Variants in FMN1 observed in about 807,000 individuals in gnomAD.
FMN1 encodes formin-1.
In FMN1, 110 loss-of-function variants were observed where a neutral mutation model predicts 132.4. That is an observed-to-expected ratio of 0.83 (90% confidence interval 0.71 to 0.97). The LOEUF (loss-of-function observed/expected upper bound fraction) is 0.97, where lower values mean the gene tolerates loss of function less well. Ranked by LOEUF, FMN1 falls within the 50% of genes least tolerant of loss-of-function variation. The pLI, the probability that FMN1 is intolerant of heterozygous loss-of-function variation, is 0.00. For missense variants in FMN1, 1,792 were observed against 1,705.3 expected (o/e 1.05, Z -0.90); for synonymous variants, 722 against 651.7 (o/e 1.11, Z -1.64).
intron 15 of FMN1, among the ~76,000 whole-genome samples, chr15:32,892,305 T>G (rs1369014883): frequency 6.6e-6 from 1 of 152,252 alleles, no homozygotes; most frequent in Non-Finnish European, 1.5e-5. Flanking sequence ...CTGCATCTAT[T>G]GATATGATCA....
At chr15:33,119,526 CCAGA>C (rs1303952957) in intron 4 of FMN1, among the ~76,000 whole-genome samples, 1 of 152,150 alleles carries the variant, frequency 6.6e-6, no homozygotes, top group Non-Finnish European at 1.5e-5. Context: ...GCTCAGTGGG[CCAGA>C]CAGGTTTCGC....
chr15:33,131,165 T>C (rs574516964), intron 4 of FMN1, among the ~76,000 whole-genome samples: 2 of 151,762 alleles, frequency 1.3e-5, no homozygotes, highest in African/African-American at 4.8e-5. Flanking sequence ...TTACAAAAAA[T>C]ACAAATACAA....
intron 4 of FMN1, among the ~76,000 whole-genome samples, chr15:33,147,810 T>C (rs1232133373): frequency 6.6e-6 from 1 of 152,258 alleles, no homozygotes; most frequent in Non-Finnish European, 1.5e-5. Context: ...CAATGAGCTA[T>C]TCTTATTTGA....
intron 16 of FMN1, among the ~76,000 whole-genome samples, chr15:32,882,326 C>T (rs947308890): frequency 2.6e-5 from 4 of 152,166 alleles, no homozygotes; most frequent in Non-Finnish European, 5.9e-5. Context: ...AAGTAACTTC[C>T]ACTTCCTTAC....
At chr15:32,868,282 TCAG>T (rs1401935270) in intron 16 of FMN1, among the ~76,000 whole-genome samples, 4 of 152,340 alleles carry the variant, frequency 2.6e-5, no homozygotes, top group Admixed American at 6.5e-5. Context: ...CCTACAGTAT[TCAG>T]CAGAATACTG....
In FMN1 at chr15:32,969,109, CTGA is replaced by C; in HGVS notation, c.2589_2591del (p.Asn863_Gln864delinsLys). 1 of 1,612,692 alleles carries C rather than the reference CTGA, an allele frequency of 6.2e-7. No homozygotes were observed. Among genetic ancestry groups the C allele is most frequent in the Non-Finnish European group, 8.5e-7 (1 of 1,179,036 alleles). ...CGGGAGGCGGAGGCAATGCCTTCTG[CTGA>C]TTTGATGCCATGCCCTCCATTGGCT... On this transcript the variant is annotated inframe_deletion, in exon 8 of 21. Transcript: ENST00000616417.
At chr15:33,020,223 TG>T (rs1247885560) in intron 6 of FMN1, among the ~76,000 whole-genome samples, 1 of 152,204 alleles carries the variant, frequency 6.6e-6, no homozygotes, top group African/African-American at 2.4e-5. Context: ...CCTCAACTTG[TG>T]GTATCAAATA....
rs190265207 is a variant in FMN1 at position 33,131,771 on chromosome 15, A to G, written c.1867+21277T>C. On this transcript the variant is annotated intron_variant, in intron 4 of 20. Transcript: ENST00000616417. ...AAAAGTGCAGTACAAAGGTGTAGTC[A>G]ACACTTACTAGGTAAGTGGCCTCTG... Among the ~76,000 whole-genome samples, 491 of 152,298 alleles carry G rather than the reference A, an allele frequency of 3.2e-3. 3 individuals are homozygous for G. Among genetic ancestry groups the G allele is most frequent in the Non-Finnish European group, 4.8e-3 (325 of 68,028 alleles).
intron 9 of FMN1, among the ~76,000 whole-genome samples, chr15:32,930,663 CAGA>C (rs2061090739): frequency 6.6e-6 from 1 of 151,854 alleles, no homozygotes; most frequent in South Asian, 2.1e-4. Context: ...CTTTGCTGAG[CAGA>C]AGCTTTTTCA....
chr15:33,148,129 T>C (rs1409414989), intron 4 of FMN1, among the ~76,000 whole-genome samples: 1 of 152,200 alleles, frequency 6.6e-6, no homozygotes, highest in East Asian at 1.9e-4. Context: ...CACTGTTCTA[T>C]AACAAAACAT....
intron 6 of FMN1, among the ~76,000 whole-genome samples, chr15:33,053,970 C>T (rs2037099965): frequency 6.6e-6 from 1 of 152,020 alleles, no homozygotes; most frequent in East Asian, 1.9e-4. Flanking sequence ...GTAAGTAAAT[C>T]ACTGGACACT....
chr15:32,983,143 T>A (rs775009516), intron 7 of FMN1, among the ~76,000 whole-genome samples: 29 of 152,064 alleles, frequency 1.9e-4, no homozygotes, highest in Admixed American at 5.2e-4. Flanking sequence ...AAAATAAAAC[T>A]GCGGAAAGTG....
intron 11 of FMN1, 112 bp downstream of exon 11, chr15:32,910,360 ATC>A (rs1303628284): frequency 1.2e-6 from 1 of 808,486 alleles, no homozygotes; most frequent in African/African-American, 1.7e-5. Context: ...CTATGCCTTA[ATC>A]TCTTCCAGGC....
intron 4 of FMN1, chr15:33,105,817 A>C (rs1250765931): frequency 6.6e-6 from 1 of 152,104 alleles, no homozygotes; most frequent in African/African-American, 2.4e-5. Context: ...CAAGAAAAAA[A>C]AAACTTCTCA....
intron 4 of FMN1, among the ~76,000 whole-genome samples, chr15:33,102,172 C>T (rs1278308792): frequency 2.6e-5 from 4 of 152,110 alleles, no homozygotes; most frequent in African/African-American, 4.8e-5. Context: ...TACCATAAAG[C>T]TGAGTCTTCA....
intron 4 of FMN1, among the ~76,000 whole-genome samples, chr15:33,138,557 C>A (rs1963871579): frequency 6.6e-6 from 1 of 152,046 alleles, no homozygotes; most frequent in South Asian, 2.1e-4. Context: ...ATTATCCTAG[C>A]AAACTTTGTA....
chr15:32,865,002 A>C (rs1158790019), intron 16 of FMN1, among the ~76,000 whole-genome samples: 1 of 152,248 alleles, frequency 6.6e-6, no homozygotes, highest in Non-Finnish European at 1.5e-5. Flanking sequence ...AAAGCCAATC[A>C]CAAGAGACCA....
chr15:33,005,053 C>T (rs184685562), intron 7 of FMN1, among the ~76,000 whole-genome samples: 1,696 of 151,752 alleles, frequency 0.011, 14 homozygotes, highest in Non-Finnish European at 0.017. Flanking sequence ...GTGGGGGTAG[C>T]GGGGAGGGAT....
At position 32,969,343 on chromosome 15, in the gene FMN1, A is replaced by G. The variant is rs1567483417; in HGVS notation, c.2358T>C (p.Asp786=). Reference sequence around the variant, plus strand: ...AGTCATCATCGGTGGAAATGCACACATCTTTCCTCTCTTCACAACCCCCTC... The same window carrying G: ...AGTCATCATCGGTGGAAATGCACACGTCTTTCCTCTCTTCACAACCCCCTC... ...RWRGGCEERK[D]VCISTDDDCP... Residue 786 remains aspartate (D), a synonymous_variant, in exon 8 of 21, where the codon GAT becomes GAC. Transcript: ENST00000616417. The G allele has an allele frequency of 1.2e-6, 2 of 1,613,974 alleles. No individual in the cohort carries two copies. Among genetic ancestry groups the G allele is most frequent in the Non-Finnish European group, 1.7e-6 (2 of 1,179,886 alleles).
Sources: allele counts gnomAD v4.1 joint callset (sites outside exome capture counted in the v4.1 genomes callset), GRCh38; gene constraint gnomAD v4.1.1; transcripts MANE v1.5; gene names NCBI Gene and HGNC (gene_info 2026-07-23, HGNC 2026-07-21).